The following FSIP1 variants were observed in gnomAD, a reference collection of about 807,000 sequenced individuals.
The protein encoded by FSIP1 is fibrous sheath interacting protein 1.
FSIP1 carries 65 observed loss-of-function variants against 60.9 expected under a neutral mutation model. The observed-to-expected ratio is 1.07, with a 90% CI of 0.87 to 1.31. The LOEUF (loss-of-function observed/expected upper bound fraction) is 1.31, where lower values mean the gene tolerates loss of function less well. FSIP1 is among the 40% of genes most tolerant of loss of function. The pLI is 0.00. For synonymous variants in FSIP1, 209 were observed against 221.2 expected, an observed-to-expected ratio of 0.94 and a Z score of 0.49; for missense variants, 675 against 665.5, an observed-to-expected ratio of 1.01 and a Z score of -0.16.
intron 10 of FSIP1, among the ~76,000 whole-genome samples, chr15:39,632,901 C>A (rs1891961645): frequency 6.6e-6 from 1 of 151,964 alleles, no homozygotes. Flanking sequence ...GTAGGCAGGG[C>A]AAAAACACAA....
chr15:39,645,250 G>A (rs1892543751), intron 10 of FSIP1, among the ~76,000 whole-genome samples: 1 of 152,236 alleles, frequency 6.6e-6, no homozygotes, highest in Admixed American at 6.5e-5. Context: ...ATTAAAAATA[G>A]AACTACTGAT....
intron 3 of FSIP1, among the ~76,000 whole-genome samples, chr15:39,766,581 G>T (rs765430141): frequency 1.3e-5 from 2 of 152,196 alleles, no homozygotes; most frequent in East Asian, 3.8e-4. Flanking sequence ...GTAAATGCCA[G>T]TCAGGTTCCA....
intron 2 of FSIP1, among the ~76,000 whole-genome samples, chr15:39,772,144 T>C (rs1214060842): frequency 2.0e-5 from 3 of 152,304 alleles, no homozygotes; most frequent in African/African-American, 7.2e-5. Flanking sequence ...AATTTTCCCA[T>C]AGTTTCCCAC....
intron 8 of FSIP1, among the ~76,000 whole-genome samples, 179 bp downstream of exon 8, chr15:39,737,912 A>G (rs1896667144): frequency 6.6e-6 from 1 of 152,184 alleles, no homozygotes; most frequent in East Asian, 1.9e-4. Context: ...CTTAAAAGTG[A>G]GAACACCCGC....
chr15:39,617,858 T>G lies in FSIP1; in HGVS notation c.1576A>C (p.Thr526Pro). 6.2e-7 allele frequency: 1 copy of G among 1,614,076 alleles called. No homozygotes were observed. The highest frequency in any genetic ancestry group is 1.7e-5 in the Admixed American group (1 of 59,996). ...SDTKDYFMSK[T>P]LGIGRLKRPS... Reference sequence around the variant, plus strand: ...CTTTTCAGTCTCCCAATGCCAAGAGTCTTCGACATAAAATAGTCTTTTGTG... The same window carrying G: ...CTTTTCAGTCTCCCAATGCCAAGAGGCTTCGACATAAAATAGTCTTTTGTG... The change falls in exon 11 of 12, where the codon ACT becomes CCT. Residue 526 changes from threonine (T) to proline (P), a missense_variant. Transcript: ENST00000350221.
chr15:39,668,210 A>C (rs1045237254), intron 10 of FSIP1, among the ~76,000 whole-genome samples: 5 of 152,020 alleles, frequency 3.3e-5, no homozygotes, highest in African/African-American at 1.2e-4. Flanking sequence ...TTCCAAAAAA[A>C]AAAAAAAAAC....
At chr15:39,738,239 G>A (rs1906163) in intron 7 of FSIP1, 38 bp from the exon 8 acceptor site, 667,751 of 1,338,042 alleles carry the variant, frequency 0.5, 171,550 homozygotes, top group African/African-American at 0.65. Flanking sequence ...ATATACTCAA[G>A]GAAATTCACA....
chr15:39,665,697 T>C (rs565704704), intron 10 of FSIP1, among the ~76,000 whole-genome samples: 1 of 152,154 alleles, frequency 6.6e-6, no homozygotes, highest in Non-Finnish European at 1.5e-5. Flanking sequence ...ATGGAAGTAG[T>C]TGATAATTTT....
At chr15:39,729,243 T>C (rs192807143) in intron 8 of FSIP1, among the ~76,000 whole-genome samples, 4 of 152,328 alleles carry the variant, frequency 2.6e-5, no homozygotes, top group African/African-American at 9.6e-5. Context: ...AATGGGTATA[T>C]ACCCAAAGGA....
At chr15:39,620,476 G>C (rs1006311241) in intron 10 of FSIP1, among the ~76,000 whole-genome samples, 1 of 151,928 alleles carries the variant, frequency 6.6e-6, no homozygotes, top group Non-Finnish European at 1.5e-5. Flanking sequence ...AAATATCAAG[G>C]GGTAGGGAAG....
At chr15:39,683,235 C>T (rs919732378) in intron 10 of FSIP1, among the ~76,000 whole-genome samples, 3 of 152,252 alleles carry the variant, frequency 2.0e-5, no homozygotes, top group African/African-American at 7.2e-5. Context: ...TTGATACAAA[C>T]CATGACCAAG....
At chr15:39,731,362 C>A (rs1041966281) in intron 8 of FSIP1, among the ~76,000 whole-genome samples, 3 of 151,974 alleles carry the variant, frequency 2.0e-5, no homozygotes, top group Non-Finnish European at 4.4e-5. Context: ...CTCACAAACT[C>A]TGGTAATTTT....
At chr15:39,713,871 C>T (rs976896174) in intron 9 of FSIP1, among the ~76,000 whole-genome samples, 3 of 152,202 alleles carry the variant, frequency 2.0e-5, no homozygotes, top group Non-Finnish European at 4.4e-5. Context: ...CTGGTCCCTG[C>T]TCTGATACTT....
At chr15:39,726,852 A>AACACACAC (rs3065147) in intron 8 of FSIP1, 105 bp from the exon 9 acceptor site, 25,313 of 621,832 alleles carry the variant, frequency 0.041, 714 homozygotes, top group Admixed American at 0.2. Flanking sequence ...TACACACACA[A>AACACACAC]ACACACACAC....
intron 5 of FSIP1, among the ~76,000 whole-genome samples, chr15:39,752,574 C>T (rs757397344): frequency 6.6e-6 from 1 of 151,940 alleles, no homozygotes; most frequent in African/African-American, 2.4e-5. Context: ...ATGAGAAAAG[C>T]ATGAGATAAA....
At chr15:39,730,827 G>A (rs1190665684) in intron 8 of FSIP1, among the ~76,000 whole-genome samples, 1 of 152,196 alleles carries the variant, frequency 6.6e-6, no homozygotes, top group Non-Finnish European at 1.5e-5. Flanking sequence ...CTCGTGGAAA[G>A]CAAACGTCTG....
chr15:39,658,711 A>G (rs1010844197), intron 10 of FSIP1, among the ~76,000 whole-genome samples: 1 of 152,246 alleles, frequency 6.6e-6, no homozygotes, highest in Admixed American at 6.5e-5. Flanking sequence ...TCTTGCATAT[A>G]TTTGACTGCT....
chr15:39,681,862 T>A (rs1427326121), intron 10 of FSIP1, among the ~76,000 whole-genome samples: 2 of 152,040 alleles, frequency 1.3e-5, no homozygotes, highest in Non-Finnish European at 2.9e-5. Context: ...TAATAATAAG[T>A]GAATGGTTCA....
At chr15:39,665,560 G>A (rs998125640) in intron 10 of FSIP1, among the ~76,000 whole-genome samples, 1 of 152,134 alleles carries the variant, frequency 6.6e-6, no homozygotes, top group East Asian at 1.9e-4. Context: ...ACGGAAAATG[G>A]TTTTTCCCCA....
Sources: gnomAD v4.1 joint callset for allele counts (sites outside exome capture counted in the v4.1 genomes callset) on GRCh38, gnomAD v4.1.1 for gene constraint, MANE v1.5 for transcripts, NCBI Gene and HGNC (gene_info 2026-07-23, HGNC 2026-07-21) for gene names.